LMF1: variants seen among roughly 807,000 people sequenced by gnomAD.
LMF1 encodes the protein lipase maturation factor 1, also known as transmembrane protein 112.
LMF1 carries 68 observed loss-of-function variants against 60.6 expected under a neutral mutation model. That is an observed-to-expected ratio of 1.12 (90% confidence interval 0.92 to 1.37). The LOEUF is 1.37. Among genes scored for constraint, LMF1 ranks in the 40% most tolerant of loss-of-function variants. LMF1 has a pLI of 0.00. For missense variants in LMF1, 948 were observed against 767.2 expected, an observed-to-expected ratio of 1.24 and a Z score of -2.78; for synonymous variants, 418 against 324.7, an observed-to-expected ratio of 1.29 and a Z score of -3.09.
At chr16:884,832 G>T (rs113303984) in intron 5 of LMF1, 2 of 130,740 alleles carry the variant, frequency 1.5e-5, no homozygotes, top group African/African-American at 6.2e-5. Flanking sequence ...GGATCTCCAC[G>T]TAGGAGTGAA....
intron 4 of LMF1, among the ~76,000 whole-genome samples, chr16:904,451 G>T (rs867726226): frequency 1.8e-4 from 19 of 105,652 alleles, no homozygotes; most frequent in East Asian, 5.8e-4. Context: ...TGCCTGTGGG[G>T]ACGCCCGTCT....
At chr16:901,629 C>T (rs1411841764) in intron 4 of LMF1, 1 of 152,272 alleles carries the variant, frequency 6.6e-6, no homozygotes, top group Non-Finnish European at 1.5e-5. Flanking sequence ...AAGCAGAAAA[C>T]CTGGCCGAAA....
Position 910,984 on chromosome 16 carries a change from G to C in LMF1, c.610C>G (p.Arg204Gly). ...SRLPQHTPTS[R>G]IVLWGFRWLI... is the part of the protein sequence containing the mutation. ...CACCGGAAGCCCCACAGGACAATCCGGGATGTGGGGGTATGCTGGGGCAGC... is the reference window on the plus strand; with the variant it reads ...CACCGGAAGCCCCACAGGACAATCCCGGATGTGGGGGTATGCTGGGGCAGC... Residue 204 changes from arginine (R) to glycine (G), a missense_variant, in exon 4 of 11, where the codon CGG becomes GGG. Physicochemically the swap from Arg to Gly is moderately radical, Grantham distance 125. Coordinates refer to ENST00000262301, the MANE Select transcript of LMF1 (RefSeq NM_022773.4). 6.2e-7 allele frequency: 1 copy of C among 1,613,080 alleles called. No individual in the cohort carries two copies. The highest frequency in any genetic ancestry group is 1.1e-5 in the South Asian group (1 of 91,082).
chr16:864,314 C>CA (rs1285408115), intron 10 of LMF1, among the ~76,000 whole-genome samples: 1 of 152,134 alleles, frequency 6.6e-6, no homozygotes, highest in Non-Finnish European at 1.5e-5. Context: ...ACAGAGGGTC[C>CA]CTAACTTATG....
At position 871,283 on chromosome 16, in the gene LMF1, C is replaced by T. The variant is rs775541555; in HGVS notation, c.956G>A (p.Ser319Asn). The change falls in exon 7 of 11, where the codon AGC (serine) becomes AAC (asparagine). Residue 319 changes from serine to asparagine, a missense_variant. Physicochemically the swap from Ser to Asn is conservative, Grantham distance 46. Coordinates refer to ENST00000262301, the MANE Select transcript of LMF1 (RefSeq NM_022773.4). ...GGTGGCGTCATCAAAGCAGGCCAGG[C>T]TGGGCACCATAGTCAGCCAGTTCAG... ...SFLNWLTMVP[S>N]LACFDDATLG... The T allele has an allele frequency of 2.5e-5, 40 of 1,612,592 alleles. No homozygotes were observed. Among genetic ancestry groups the T allele is most frequent in the Middle Eastern group, 3.3e-4 (2 of 6,030 alleles).
At position 910,830 on chromosome 16, in the gene LMF1, C is replaced by T. The variant is rs545256012; in HGVS notation, c.663+101G>A. ...GCCAGGCCGACAGGAGGACAGAGGG[C>T]GGCGGGGGAGGAAGGAAACAGCCTC... On this transcript the variant is annotated intron_variant, in intron 4 of 10. Coordinates refer to ENST00000262301, the MANE Select transcript of LMF1 (RefSeq NM_022773.4). The T allele has an allele frequency of 6.8e-4, 987 of 1,452,956 alleles. 2 individuals carry two copies. The African/African-American group carries it at 0.012, about 17-fold the overall frequency. 90.0% of individuals were successfully genotyped at this position (1,452,956 alleles called of 1,614,324 possible).
Position 854,169 on chromosome 16 carries a change from C to G in LMF1, c.*363G>C. The G allele has an allele frequency of 2.0e-6, 1 of 495,982 alleles. No individual in the cohort carries two copies. The highest frequency in any genetic ancestry group is 3.9e-6 in the Non-Finnish European group (1 of 254,920). The allele number at this position is 495,982 out of a possible 1,614,324, so 30.7% of individuals were successfully genotyped here. On this transcript the variant is annotated 3_prime_UTR_variant, in exon 11 of 11. Coordinates refer to ENST00000262301, the MANE Select transcript of LMF1 (RefSeq NM_022773.4). ...GCTAGAGACCCCAAGAGCTACCTGG[C>G]TGGGTCTATGGTCAGGGCTGTAGTG...
chr16:870,188 C>G, intron 8 of LMF1, 122 bp from the exon 9 acceptor site: 2 of 1,131,518 alleles, frequency 1.8e-6, no homozygotes, highest in South Asian at 3.0e-5. Flanking sequence ...ACAGCCTCCA[C>G]CTGCCTCCTG....
chr16:945,946 C>G (rs574748395), intron 2 of LMF1, among the ~76,000 whole-genome samples: 1 of 152,190 alleles, frequency 6.6e-6, no homozygotes, highest in South Asian at 2.1e-4. Context: ...GTTCTCCCCC[C>G]GGCGTCCAGC....
chr16:955,457 C>CGGGGTCTGT (rs2072671031), intron 1 of LMF1, among the ~76,000 whole-genome samples: 2 of 53,402 alleles, frequency 3.7e-5, no homozygotes, highest in South Asian at 8.4e-4. Flanking sequence ...CTGCAGCAGA[C>CGGGGTCTGT]GCGGTGTGTG....
intron 6 of LMF1, among the ~76,000 whole-genome samples, chr16:877,115 G>A (rs969085415): frequency 5.9e-5 from 9 of 152,274 alleles, no homozygotes; most frequent in African/African-American, 1.4e-4. Context: ...AGGAGTGCTC[G>A]AGCCCTGGAG....
At chr16:869,175 G>A (rs1008344734) in intron 9 of LMF1, 119 bp from the exon 10 acceptor site, 1 of 750,998 alleles carries the variant, frequency 1.3e-6, no homozygotes, top group Admixed American at 1.9e-5. Flanking sequence ...TGGGTTCCCT[G>A]GGCAGCCGCA....
chr16:929,117 C>T (rs1305719977), intron 3 of LMF1, among the ~76,000 whole-genome samples: 2 of 152,190 alleles, frequency 1.3e-5, no homozygotes, highest in African/African-American at 2.4e-5. Context: ...GGTCACAATG[C>T]TGTCCCATCC....
chr16:859,117 G>T (rs368525269), intron 10 of LMF1, among the ~76,000 whole-genome samples: 3 of 127,544 alleles, frequency 2.4e-5, no homozygotes, highest in Non-Finnish European at 4.8e-5. Flanking sequence ...GTGATGTCTC[G>T]GGACGGGTGT....
intron 1 of LMF1, chr16:976,812 G>A (rs1029293840): frequency 6.6e-6 from 3 of 454,122 alleles, no homozygotes; most frequent in South Asian, 1.6e-5. Flanking sequence ...TGGTCTCCAC[G>A]CTTTGGGCAT....
intron 5 of LMF1, chr16:887,256 C>G (rs1263656900): frequency 6.6e-6 from 1 of 152,384 alleles, no homozygotes; most frequent in Non-Finnish European, 1.5e-5. Context: ...TGTTGAGCTT[C>G]CCTGTTGGGA....
chr16:854,356 C>T lies in LMF1; in HGVS notation c.*176G>A. Reference sequence around the variant, plus strand: ...GCCCCAGGTGGGCAGGGCCTGGGAGCCGCCACAGTATGTGACAACAGACCC... The same window carrying T: ...GCCCCAGGTGGGCAGGGCCTGGGAGTCGCCACAGTATGTGACAACAGACCC... On this transcript the variant is annotated 3_prime_UTR_variant, in exon 11 of 11. Coordinates refer to ENST00000262301, the MANE Select transcript of LMF1 (RefSeq NM_022773.4). The T allele has an allele frequency of 2.6e-6, 2 of 764,932 alleles. No individual in the cohort carries two copies. The highest frequency in any genetic ancestry group is 3.4e-5 in the African/African-American group (2 of 58,240). The allele number at this position is 764,932 out of a possible 1,614,324, so 47.4% of individuals were successfully genotyped here.
At position 949,832 on chromosome 16, in the gene LMF1, C is replaced by T. The variant is rs1361211533; in HGVS notation, c.503+4525G>A. ...CAGCCAATGACAGAGTCAGAGACAACGACAGAGTTAGAGACAACGACAGAG... is the reference window on the plus strand; with the variant it reads ...CAGCCAATGACAGAGTCAGAGACAATGACAGAGTTAGAGACAACGACAGAG... On this transcript the variant is annotated intron_variant, in intron 2 of 10. Coordinates refer to ENST00000262301, the MANE Select transcript of LMF1 (RefSeq NM_022773.4). 9.1e-5 allele frequency among the ~76,000 whole-genome samples: 10 copies of T among 109,726 alleles called. 1 individual carries two copies. The highest frequency in any genetic ancestry group is 5.2e-4 in the East Asian group (2 of 3,878). The allele number at this position is 109,726 out of a possible 152,430, so 72.0% of individuals were successfully genotyped here. A position where few individuals can be genotyped will look rare whatever the true frequency, so the allele number is the denominator to read the frequency against.
intron 2 of LMF1, among the ~76,000 whole-genome samples, chr16:944,813 A>G (rs1421448992): frequency 6.6e-6 from 1 of 152,172 alleles, no homozygotes; most frequent in East Asian, 1.9e-4. Context: ...CCAGTGCCCT[A>G]AACACCCCAT....
Sources: allele counts gnomAD v4.1 joint callset (sites outside exome capture counted in the v4.1 genomes callset), GRCh38; gene constraint gnomAD v4.1.1; transcripts MANE v1.5; gene names NCBI Gene and HGNC (gene_info 2026-07-23, HGNC 2026-07-21).